The following DSTYK variants were observed in gnomAD, a reference collection of about 807,000 sequenced individuals.
DSTYK encodes RIP-homologous kinase.
In DSTYK, 34 loss-of-function variants were observed where a neutral mutation model predicts 98.7. The ratio of observed to expected loss-of-function variants is 0.34; its 90% CI spans 0.26 to 0.46. The LOEUF is 0.46. Ranked by LOEUF, DSTYK falls within the 20% of genes least tolerant of loss-of-function variation. DSTYK has a pLI of 1.00. For missense variants in DSTYK, 962 were observed against 1,181.7 expected (o/e 0.81, Z 2.73); for synonymous variants, 462 against 457.3 (o/e 1.01, Z -0.13).
intron 1 of DSTYK, among the ~76,000 whole-genome samples, chr1:205,207,755 CAA>C (rs766036213): frequency 1.9e-5 from 1 of 52,726 alleles, no homozygotes; most frequent in Non-Finnish European, 3.1e-5. Context: ...GACTCTGTCT[CAA>C]AAAAAAAAAA....
intron 1 of DSTYK, among the ~76,000 whole-genome samples, chr1:205,196,208 G>A (rs1239478355): frequency 1.3e-5 from 2 of 152,092 alleles, no homozygotes; most frequent in Non-Finnish European, 2.9e-5. Flanking sequence ...GAAAAGGAAA[G>A]CTCTTCTTTA....
chr1:205,203,737 G>A (rs2102481045), intron 1 of DSTYK, among the ~76,000 whole-genome samples: 1 of 152,032 alleles, frequency 6.6e-6, no homozygotes, highest in East Asian at 1.9e-4. Context: ...CCAATATGGT[G>A]AAACCTTGAC....
chr1:205,197,697 T>C (rs1384696960), intron 1 of DSTYK, among the ~76,000 whole-genome samples: 1 of 152,158 alleles, frequency 6.6e-6, no homozygotes, highest in Non-Finnish European at 1.5e-5. Flanking sequence ...GCCCTGCACA[T>C]TACCTTCCAT....
intron 1 of DSTYK, among the ~76,000 whole-genome samples, chr1:205,191,480 A>T (rs967110343): frequency 3.3e-5 from 5 of 152,186 alleles, no homozygotes; most frequent in Non-Finnish European, 7.3e-5. Context: ...GAGCCTTGAA[A>T]TGCTCGTCGG....
intron 2 of DSTYK, among the ~76,000 whole-genome samples, chr1:205,186,849 G>A (rs879590319): frequency 4.6e-5 from 7 of 152,162 alleles, no homozygotes; most frequent in Admixed American, 3.9e-4. Context: ...CAGGATCTCC[G>A]CGTCTCCTTA....
chr1:205,208,196 A>G (rs1287091812), intron 1 of DSTYK, among the ~76,000 whole-genome samples: 3 of 152,162 alleles, frequency 2.0e-5, no homozygotes, highest in Admixed American at 1.3e-4. Context: ...TTTAAATTCT[A>G]AAATATCATG....
At chr1:205,207,326 G>T (rs1659231515) in intron 1 of DSTYK, among the ~76,000 whole-genome samples, 2 of 150,130 alleles carry the variant, frequency 1.3e-5, no homozygotes, top group African/African-American at 2.4e-5. Context: ...TGATCCACCT[G>T]CCTCGGCCTC....
Position 205,147,340 on chromosome 1 carries a change from G to T in DSTYK, c.*218C>A, listed in dbSNP as rs1657266838. ...ACATCTGAGACACTTTTTTGCTAAAGGGATAGCTTGGCGCTTCAGTGAGCT... is the reference window on the plus strand; with the variant it reads ...ACATCTGAGACACTTTTTTGCTAAATGGATAGCTTGGCGCTTCAGTGAGCT... On this transcript the variant is annotated 3_prime_UTR_variant, in exon 13 of 13. Coordinates refer to ENST00000367162, the MANE Select transcript of DSTYK (RefSeq NM_015375.3). 1 of 434,856 alleles carries T rather than the reference G, an allele frequency of 2.3e-6. No homozygotes were observed. The highest frequency in any genetic ancestry group is 4.1e-6 in the Non-Finnish European group (1 of 243,274). 26.9% of individuals were successfully genotyped at this position (434,856 alleles called of 1,614,324 possible).
chr1:205,202,289 T>G, intron 1 of DSTYK: 1 of 652,190 alleles, frequency 1.5e-6, no homozygotes, highest in Non-Finnish European at 3.0e-6. Flanking sequence ...ATGACACTTC[T>G]CAGGCCATCA....
chr1:205,147,458 G>T lies in DSTYK; in HGVS notation c.*100C>A. ...TTTCCCAGCAAGCACCAGTTCCCTT[G>T]GGAGTGTGTCCTATAGTGAATAAAT... On this transcript the variant is annotated 3_prime_UTR_variant, in exon 13 of 13. Coordinates refer to ENST00000367162, the MANE Select transcript of DSTYK (RefSeq NM_015375.3). 7.6e-7 allele frequency: 1 copy of T among 1,324,098 alleles called. No homozygotes were observed. The highest frequency in any genetic ancestry group is 1.0e-6 in the Non-Finnish European group (1 of 960,432). 82.0% of individuals were successfully genotyped at this position (1,324,098 alleles called of 1,614,324 possible).
At chr1:205,207,873 G>T (rs1321495809) in intron 1 of DSTYK, among the ~76,000 whole-genome samples, 1 of 147,754 alleles carries the variant, frequency 6.8e-6, no homozygotes, top group Non-Finnish European at 1.5e-5. Flanking sequence ...CTTTATTTAT[G>T]TATTTATTTA....
Position 205,169,499 on chromosome 1 carries a change from G to T in DSTYK, c.988C>A (p.Gln330Lys). The change falls in exon 3 of 13, where the codon CAG becomes AAG. Residue 330 changes from glutamine to lysine, a missense_variant. Transcript: ENST00000367162. This position sits in a 1 kb window ranked among gnomAD's most constrained non-coding sequence, Gnocchi z 4.0. ...CGAPGQDTKA[Q>K]SMLVEQSEKL... ...TCACTCTGTTCCACCAACATGCTCTGAGCTTTAGTATCCTGGCCAGGAGCC... is the reference window on the plus strand; with the variant it reads ...TCACTCTGTTCCACCAACATGCTCTTAGCTTTAGTATCCTGGCCAGGAGCC... 1 of 1,614,104 alleles carries T rather than the reference G, an allele frequency of 6.2e-7. No individual in the cohort carries two copies. Among genetic ancestry groups the T allele is most frequent in the East Asian group, 2.2e-5 (1 of 44,856 alleles).
Position 205,144,049 on chromosome 1 carries a change from A to C in DSTYK, c.*3509T>G, listed in dbSNP as rs1657148615. The C allele has an allele frequency of 6.6e-6, 1 of 152,616 alleles. No individual in the cohort carries two copies. Among genetic ancestry groups the C allele is most frequent in the South Asian group, 2.1e-4 (1 of 4,832 alleles). 9.5% of individuals were successfully genotyped at this position (152,616 alleles called of 1,614,324 possible). ...TCAGGGAACTAAGGTATGCCTGGGG[A>C]AACCCCACCCAAATGAGCCATGCCA... On this transcript the variant is annotated 3_prime_UTR_variant, in exon 13 of 13. Coordinates refer to ENST00000367162, the MANE Select transcript of DSTYK (RefSeq NM_015375.3).
chr1:205,204,342 T>G (rs1382431600), intron 1 of DSTYK, among the ~76,000 whole-genome samples: 1 of 152,042 alleles, frequency 6.6e-6, no homozygotes, highest in African/African-American at 2.4e-5. Context: ...GCCTAGAGAC[T>G]CGGGCCTAAA....
rs2102451313 is a variant in DSTYK at position 205,187,581 on chromosome 1, C to T, written c.491G>A (p.Ser164Asn). ...RFTYGTQTRV[S>N]LALPGQYELV... ...TTCATACTGTCCAGGGAGCGCCAGG[C>T]TGACCCGAGTCTGAGTCCCATAGGT... Residue 164 changes from serine (S) to asparagine (N), a missense_variant, in exon 2 of 13, where the codon AGC (serine) becomes AAC (asparagine). By Grantham distance (46) the Ser-to-Asn change is conservative. Coordinates refer to ENST00000367162, the MANE Select transcript of DSTYK (RefSeq NM_015375.3). 1 of 1,614,164 alleles carries T rather than the reference C, an allele frequency of 6.2e-7. No individual in the cohort carries two copies. Among genetic ancestry groups the T allele is most frequent in the South Asian group, 1.1e-5 (1 of 91,082 alleles).
In DSTYK at chr1:205,143,364, C is replaced by G. The variant is rs1445858665; in HGVS notation, c.*4194G>C. ...GGTTTCACCATGTTACCAGGCTGGT[C>G]TCGAACTCCTGACCTCAGGTTTTAA... On this transcript the variant is annotated 3_prime_UTR_variant, in exon 13 of 13. Transcript: ENST00000367162. 2 of 152,010 alleles carry G rather than the reference C, an allele frequency of 1.3e-5. No homozygotes were observed. Among genetic ancestry groups the G allele is most frequent in the African/African-American group, 4.8e-5 (2 of 41,378 alleles). 9.4% of individuals were successfully genotyped at this position (152,010 alleles called of 1,614,324 possible).
Position 205,147,355 on chromosome 1 carries a change from T to C in DSTYK, c.*203A>G. 1 of 468,808 alleles carries C rather than the reference T, an allele frequency of 2.1e-6. No individual in the cohort carries two copies. Among genetic ancestry groups the C allele is most frequent in the Non-Finnish European group, 3.8e-6 (1 of 266,524 alleles). 29.0% of individuals were successfully genotyped at this position (468,808 alleles called of 1,614,324 possible). ...TTTTGCTAAAGGGATAGCTTGGCGC[T>C]TCAGTGAGCTGCTGAATATGCTCAG... On this transcript the variant is annotated 3_prime_UTR_variant, in exon 13 of 13. Coordinates refer to ENST00000367162, the MANE Select transcript of DSTYK (RefSeq NM_015375.3).
chr1:205,190,771 C>T (rs1658690388), intron 1 of DSTYK, among the ~76,000 whole-genome samples: 1 of 152,158 alleles, frequency 6.6e-6, no homozygotes, highest in Admixed American at 6.6e-5. Context: ...CTGTCCTCCC[C>T]AGATTTTCAC....
chr1:205,181,658 GTGT>G (rs1558616491), intron 2 of DSTYK, among the ~76,000 whole-genome samples: 32 of 69,144 alleles, frequency 4.6e-4, no homozygotes, highest in Non-Finnish European at 4.6e-4. Context: ...GTTGGGGTTT[GTGT>G]GTGTGTGTGT....
Sources: allele counts gnomAD v4.1 joint callset (sites outside exome capture counted in the v4.1 genomes callset), GRCh38; gene constraint gnomAD v4.1.1; non-coding constraint Gnocchi (gnomAD v3.1); transcripts MANE v1.5; gene names NCBI Gene and HGNC (gene_info 2026-07-23, HGNC 2026-07-21).